The following MAML3 variants were observed in gnomAD, a reference collection of about 807,000 sequenced individuals.
MAML3 encodes the protein mastermind like transcriptional coactivator 3, also known as mastermind-like protein 3.
Under a neutral mutation model 101.9 loss-of-function variants are expected in MAML3, and 27 were observed. The ratio of observed to expected loss-of-function variants is 0.27; its 90% CI spans 0.20 to 0.37. The LOEUF (loss-of-function observed/expected upper bound fraction) is 0.37. Among genes scored for constraint, MAML3 ranks in the 10% least tolerant of loss-of-function variants. The pLI is 1.00. For missense variants in MAML3, 1,316 were observed against 1,444.9 expected, an observed-to-expected ratio of 0.91 and a Z score of 1.45; for synonymous variants, 501 against 555.9, an observed-to-expected ratio of 0.90 and a Z score of 1.39.
chr4:139,903,542 G>T (rs1255384346), intron 1 of MAML3, among the ~76,000 whole-genome samples: 1 of 152,178 alleles, frequency 6.6e-6, no homozygotes, highest in African/African-American at 2.4e-5. Context: ...AATGATCAGA[G>T]ACTGAATTCT....
intron 2 of MAML3, among the ~76,000 whole-genome samples, chr4:139,879,090 C>T (rs1732169545): frequency 6.6e-6 from 1 of 152,146 alleles, no homozygotes; most frequent in African/African-American, 2.4e-5. Context: ...ACAATAACTG[C>T]CATATTTAAA....
chr4:139,824,972 G>A (rs953379034), intron 2 of MAML3, among the ~76,000 whole-genome samples: 3 of 152,022 alleles, frequency 2.0e-5, no homozygotes, highest in Non-Finnish European at 4.4e-5. Context: ...GAAAAGGTAC[G>A]TCTTCAACAT....
chr4:140,121,537 T>C (rs1388948005), intron 1 of MAML3, among the ~76,000 whole-genome samples: 1 of 152,070 alleles, frequency 6.6e-6, no homozygotes, highest in Non-Finnish European at 1.5e-5. Context: ...AAAGCCTTCA[T>C]TGTTATATAC....
intron 2 of MAML3, among the ~76,000 whole-genome samples, chr4:139,842,118 G>T (rs1731373595): frequency 6.6e-6 from 1 of 152,146 alleles, no homozygotes; most frequent in African/African-American, 2.4e-5. Flanking sequence ...GGCATCCCCT[G>T]GGAAGACTAG....
At chr4:139,969,135 C>T (rs775152861) in intron 1 of MAML3, among the ~76,000 whole-genome samples, 1 of 151,774 alleles carries the variant, frequency 6.6e-6, no homozygotes, top group African/African-American at 2.4e-5. Flanking sequence ...ATCTTGATAA[C>T]CTGCAGAGGA....
Position 139,852,401 on chromosome 4 carries a change from CTGTT to C in MAML3, c.2079+36952_2079+36955del, listed in dbSNP as rs1731570315. Among the ~76,000 whole-genome samples, 3 of 126,284 alleles carry C rather than the reference CTGTT, an allele frequency of 2.4e-5. 1 individual carries two copies. The highest frequency in any genetic ancestry group is 4.6e-4 in the East Asian group (2 of 4,390). The allele number at this position is 126,284 out of a possible 152,430, so 82.8% of individuals were successfully genotyped here. A position where few individuals can be genotyped will look rare whatever the true frequency, so the allele number is the denominator to read the frequency against. On this transcript the variant is annotated intron_variant, in intron 2 of 4. Coordinates refer to ENST00000509479, the MANE Select transcript of MAML3 (RefSeq NM_018717.5). ...CCAAAGCTCACCAAAATTCAGAAGA[CTGTT>C]TTTTTTTTTTTTTTTTTTTTTTTTT...
At chr4:140,004,749 G>A (rs1240064478) in intron 1 of MAML3, among the ~76,000 whole-genome samples, 2 of 152,030 alleles carry the variant, frequency 1.3e-5, no homozygotes, top group Non-Finnish European at 1.5e-5. Flanking sequence ...TCCCAGACCC[G>A]CTCTCCCTGC....
At chr4:139,867,018 G>GT (rs1731911332) in intron 2 of MAML3, among the ~76,000 whole-genome samples, 1 of 152,172 alleles carries the variant, frequency 6.6e-6, no homozygotes. Flanking sequence ...TGATAAATAT[G>GT]TTTTGTTAAA....
chr4:140,056,810 C>CAAAA (rs559141021), intron 1 of MAML3, among the ~76,000 whole-genome samples: 1 of 127,438 alleles, frequency 7.8e-6, no homozygotes, highest in Non-Finnish European at 1.7e-5. Context: ...GACTCTGTCT[C>CAAAA]AAAAAAAAAA....
At chr4:140,095,259 A>C (rs1354004144) in intron 1 of MAML3, among the ~76,000 whole-genome samples, 4 of 152,058 alleles carry the variant, frequency 2.6e-5, no homozygotes, top group Non-Finnish European at 5.9e-5. Context: ...GCTCTCCCCA[A>C]CTTTCACAGA....
chr4:140,141,535 C>A (rs1450931765), intron 1 of MAML3, among the ~76,000 whole-genome samples: 1 of 152,138 alleles, frequency 6.6e-6, no homozygotes. Context: ...TATAATCAAG[C>A]CTGTGAAACA....
intron 1 of MAML3, among the ~76,000 whole-genome samples, chr4:140,116,101 A>T (rs561552289): frequency 6.6e-6 from 1 of 152,340 alleles, no homozygotes; most frequent in East Asian, 1.9e-4. Flanking sequence ...ATTATTCTAA[A>T]TAAAAGTAGT....
chr4:140,091,506 G>T (rs1411489685), intron 1 of MAML3, among the ~76,000 whole-genome samples: 1 of 113,386 alleles, frequency 8.8e-6, no homozygotes, highest in African/African-American at 3.1e-5. Flanking sequence ...TAGAGGGAAT[G>T]ATTAGTGTAA....
At chr4:139,871,072 T>A (rs773338014) in intron 2 of MAML3, among the ~76,000 whole-genome samples, 12 of 152,232 alleles carry the variant, frequency 7.9e-5, no homozygotes, top group Non-Finnish European at 1.6e-4. Context: ...TTATTTCTTG[T>A]GTGCTTATCA....
intron 1 of MAML3, among the ~76,000 whole-genome samples, chr4:139,910,892 G>C (rs1732903832): frequency 6.6e-6 from 1 of 152,152 alleles, no homozygotes; most frequent in Non-Finnish European, 1.5e-5. Context: ...TAAAATATTA[G>C]TAAAAGAAAA....
At chr4:139,905,752 C>T (rs1288008843) in intron 1 of MAML3, among the ~76,000 whole-genome samples, 1 of 152,132 alleles carries the variant, frequency 6.6e-6, no homozygotes, top group Non-Finnish European at 1.5e-5. Context: ...ACAGTCTTCC[C>T]TCTGTCAGCA....
chr4:140,015,794 A>G (rs895816673), intron 1 of MAML3, among the ~76,000 whole-genome samples: 2 of 152,184 alleles, frequency 1.3e-5, no homozygotes, highest in Non-Finnish European at 2.9e-5. Context: ...TCTCTACTAA[A>G]ATACAAAAAT....
At chr4:139,850,877 G>A (rs1731535286) in intron 2 of MAML3, among the ~76,000 whole-genome samples, 1 of 149,064 alleles carries the variant, frequency 6.7e-6, no homozygotes, top group African/African-American at 2.5e-5. Context: ...CTTATGTTAA[G>A]ACAGAAAGAG....
intron 1 of MAML3, among the ~76,000 whole-genome samples, chr4:139,911,064 C>A (rs989500236): frequency 6.6e-6 from 1 of 152,212 alleles, no homozygotes; most frequent in African/African-American, 2.4e-5. Flanking sequence ...ATTCCCCGGA[C>A]TCTGGCAACC....
Sources: gnomAD v4.1 joint callset for allele counts (sites outside exome capture counted in the v4.1 genomes callset) on GRCh38, gnomAD v4.1.1 for gene constraint, MANE v1.5 for transcripts, NCBI Gene and HGNC (gene_info 2026-07-23, HGNC 2026-07-21) for gene names.